The following KCND3 variants were observed in gnomAD, a reference collection of about 807,000 sequenced individuals.
KCND3 encodes the protein A-type voltage-gated potassium channel KCND3.
In KCND3, 9 loss-of-function variants were observed where a neutral mutation model predicts 51.1. The observed-to-expected ratio is 0.18, with a 90% confidence interval of 0.11 to 0.31. The LOEUF (loss-of-function observed/expected upper bound fraction) is 0.31. Among genes scored for constraint, KCND3 ranks in the 10% least tolerant of loss-of-function variants. KCND3 has a pLI of 1.00. For missense variants in KCND3, 526 were observed against 903.8 expected (o/e 0.58, Z 5.36); for synonymous variants, 349 against 368.0 (o/e 0.95, Z 0.59).
At chr1:111,978,166 G>A (rs567567809) in intron 2 of KCND3, among the ~76,000 whole-genome samples, 1 of 152,308 alleles carries the variant, frequency 6.6e-6, no homozygotes, top group African/African-American at 2.4e-5. Flanking sequence ...TCCCTCCCTG[G>A]AGGACACCTG....
At chr1:111,958,980 C>T (rs1673488746) in intron 2 of KCND3, among the ~76,000 whole-genome samples, 1 of 152,220 alleles carries the variant, frequency 6.6e-6, no homozygotes. Flanking sequence ...TGACACTCAT[C>T]ATGTTCTATT....
Position 111,981,529 on chromosome 1 carries a change from C to T in KCND3, c.1106+92G>A. 1 of 1,582,242 alleles carries T rather than the reference C, an allele frequency of 6.3e-7. No individual in the cohort carries two copies. Among genetic ancestry groups the T allele is most frequent in the Non-Finnish European group, 8.7e-7 (1 of 1,152,472 alleles). ...ACACTTGGGTAAGGGACTCCCTCCT[C>T]CTCTACCCATGGTGACACCATCCAA... On this transcript the variant is annotated intron_variant, in intron 2 of 7. Coordinates refer to ENST00000302127, the MANE Select transcript of KCND3 (RefSeq NM_001378969.1). The surrounding 1 kb of genome is among the most constrained non-coding windows in gnomAD (Gnocchi z 6.2).
At chr1:111,880,362 T>G (rs982913637) in intron 2 of KCND3, among the ~76,000 whole-genome samples, 4 of 152,018 alleles carry the variant, frequency 2.6e-5, no homozygotes, top group African/African-American at 9.7e-5. Flanking sequence ...CTGGAGGAGG[T>G]ACAACTGAGA....
At chr1:111,953,107 G>C (rs1434533028) in intron 2 of KCND3, among the ~76,000 whole-genome samples, 1 of 152,052 alleles carries the variant, frequency 6.6e-6, no homozygotes, top group Non-Finnish European at 1.5e-5. Flanking sequence ...ATGTCACAAA[G>C]CTGGCATAAC....
At chr1:111,898,939 T>A (rs916847502) in intron 2 of KCND3, among the ~76,000 whole-genome samples, 4 of 152,258 alleles carry the variant, frequency 2.6e-5, no homozygotes, top group Non-Finnish European at 4.4e-5. Context: ...CTCAGCACCA[T>A]CTTACTGTTC....
At chr1:111,961,857 C>T (rs761851085) in intron 2 of KCND3, among the ~76,000 whole-genome samples, 2 of 152,216 alleles carry the variant, frequency 1.3e-5, no homozygotes, top group Non-Finnish European at 2.9e-5. Context: ...GGCTCAACTA[C>T]ATCCCTCGAC....
At chr1:111,832,932 C>T (rs1467412071) in intron 2 of KCND3, among the ~76,000 whole-genome samples, 1 of 152,198 alleles carries the variant, frequency 6.6e-6, no homozygotes, top group Non-Finnish European at 1.5e-5. Flanking sequence ...AGACATCATA[C>T]TGGGTCCAGG....
In KCND3 at chr1:111,923,115, G is replaced by A. The variant is rs1260474548; in HGVS notation, c.1106+58506C>T. Among the ~76,000 whole-genome samples the A allele has an allele frequency of 2.0e-5, 3 of 152,196 alleles. No individual in the cohort carries two copies. In the East Asian group the frequency reaches 5.8e-4, roughly 29 times the overall value. On this transcript the variant is annotated intron_variant, in intron 2 of 7. Coordinates refer to ENST00000302127, the MANE Select transcript of KCND3 (RefSeq NM_001378969.1). ...CAGTTTCCCAACCAGCAAAATGAAGGGGTTGGAATATATGGCCTCTAAGGC... is the reference window on the plus strand; with the variant it reads ...CAGTTTCCCAACCAGCAAAATGAAGAGGTTGGAATATATGGCCTCTAAGGC...
chr1:111,801,653 T>TC (rs1411345227), intron 2 of KCND3, among the ~76,000 whole-genome samples: 1 of 152,102 alleles, frequency 6.6e-6, no homozygotes, highest in African/African-American at 2.4e-5. Flanking sequence ...CCACCAGGTG[T>TC]CCCCCACTCT....
intron 2 of KCND3, among the ~76,000 whole-genome samples, chr1:111,917,596 T>C (rs1176376508): frequency 6.6e-6 from 1 of 152,162 alleles, no homozygotes; most frequent in South Asian, 2.1e-4. Flanking sequence ...GGGAGGGCCA[T>C]TGGAAGACGG....
intron 6 of KCND3, 90 bp from the exon 7 acceptor site, chr1:111,777,363 T>A: frequency 7.0e-7 from 1 of 1,438,484 alleles, no homozygotes; most frequent in Non-Finnish European, 9.7e-7. Flanking sequence ...CTGTCTCTGT[T>A]CTGGACCTTG....
intron 2 of KCND3, among the ~76,000 whole-genome samples, chr1:111,850,289 C>A (rs1173496239): frequency 2.0e-5 from 3 of 152,112 alleles, no homozygotes; most frequent in Admixed American, 2.0e-4. Context: ...TGCCTGAGTG[C>A]TAAGAATAGC....
chr1:111,837,494 T>A (rs187711232), intron 2 of KCND3, among the ~76,000 whole-genome samples: 2 of 151,960 alleles, frequency 1.3e-5, no homozygotes, highest in Non-Finnish European at 2.9e-5. Context: ...AAACTAAGCA[T>A]GAGAATAGTT....
intron 2 of KCND3, among the ~76,000 whole-genome samples, chr1:111,800,048 C>T (rs1174028472): frequency 6.6e-6 from 1 of 151,054 alleles, no homozygotes; most frequent in Non-Finnish European, 1.5e-5. Flanking sequence ...GTGTGCCCAA[C>T]AGCTCATTGA....
At chr1:111,878,025 G>A (rs1669129829) in intron 2 of KCND3, among the ~76,000 whole-genome samples, 3 of 152,170 alleles carry the variant, frequency 2.0e-5, no homozygotes, top group Admixed American at 2.0e-4. Context: ...TTTTCCAAAT[G>A]AGGAAGTTGT....
chr1:111,976,861 C>G (rs1674659332), intron 2 of KCND3, among the ~76,000 whole-genome samples: 1 of 152,214 alleles, frequency 6.6e-6, no homozygotes, highest in Admixed American at 6.5e-5. Context: ...CTTACATTGG[C>G]TGATGTGCAA....
chr1:111,940,567 C>T (rs1464743994), intron 2 of KCND3, among the ~76,000 whole-genome samples: 1 of 152,168 alleles, frequency 6.6e-6, no homozygotes, highest in Non-Finnish European at 1.5e-5. Flanking sequence ...GAGGCCTCTG[C>T]TCTGTTCCAT....
At chr1:111,794,356 G>T (rs10857904) in intron 2 of KCND3, among the ~76,000 whole-genome samples, 26,104 of 152,184 alleles carry the variant, frequency 0.17, 2,402 homozygotes, top group Admixed American at 0.22. Flanking sequence ...TGCCTCTCAG[G>T]TGGGGGCACG....
chr1:111,988,231 C>T (rs541680662), intron 1 of KCND3, among the ~76,000 whole-genome samples: 1 of 152,248 alleles, frequency 6.6e-6, no homozygotes, highest in South Asian at 2.1e-4. Flanking sequence ...CCTGTGTTCA[C>T]AGGATTTTGG....
Sources: gnomAD v4.1 joint callset for allele counts (sites outside exome capture counted in the v4.1 genomes callset) on GRCh38, gnomAD v4.1.1 for gene constraint, Gnocchi (gnomAD v3.1) non-coding constraint, MANE v1.5 for transcripts, NCBI Gene and HGNC (gene_info 2026-07-23, HGNC 2026-07-21) for gene names.